Variants in SLC37A3 observed in about 807,000 individuals in gnomAD.
SLC37A3 encodes the protein solute carrier family 37 member 3, also known as sugar phosphate exchanger 3.
A neutral mutation model predicts 67.1 loss-of-function variants in SLC37A3; 51 were observed. The observed-to-expected ratio is 0.76, with a 90% confidence interval of 0.61 to 0.96. The LOEUF (loss-of-function observed/expected upper bound fraction) is 0.96. Ranked by LOEUF, SLC37A3 falls within the 40% of genes least tolerant of loss-of-function variation. The pLI, the probability that SLC37A3 is intolerant of heterozygous loss-of-function variation, is 0.00. For synonymous variants in SLC37A3, 214 were observed against 231.4 expected, an observed-to-expected ratio of 0.92 and a Z score of 0.68; for missense variants, 508 against 603.0, an observed-to-expected ratio of 0.84 and a Z score of 1.65.
At position 140,358,668 on chromosome 7, in the gene SLC37A3, C is replaced by T. The variant is rs142288310; in HGVS notation, c.493G>A (p.Val165Ile). 10 of 1,614,128 alleles carry T rather than the reference C, an allele frequency of 6.2e-6. No individual in the cohort carries two copies. The East Asian group carries it at 1.1e-4, about 18-fold the overall frequency. ...GCTTTCCCAAACCAGTTGCCCATAA[C>T]AGCAACCACACAGGGCCAACCAGTG... ...QSTGWPCVVA[V>I]MGNWFGKAGR... The change falls in exon 6 of 15, where the codon GTT becomes ATT. Residue 165 changes from valine to isoleucine, a missense_variant. Val to Ile is a conservative substitution (Grantham distance 29). Transcript: ENST00000326232.
At chr7:140,392,222 C>T (rs1798751231) in intron 1 of SLC37A3, among the ~76,000 whole-genome samples, 2 of 152,040 alleles carry the variant, frequency 1.3e-5, no homozygotes, top group Admixed American at 1.3e-4. Context: ...GTCCGTGTAA[C>T]CTCCACCAGC....
chr7:140,362,388 G>A (rs1471826680), intron 5 of SLC37A3, among the ~76,000 whole-genome samples: 1 of 138,744 alleles, frequency 7.2e-6, no homozygotes, highest in African/African-American at 2.7e-5. Flanking sequence ...GAGCGTCTCC[G>A]CCCGGCAGCC....
chr7:140,396,531 T>C (rs1798933101), intron 1 of SLC37A3, among the ~76,000 whole-genome samples: 1 of 152,220 alleles, frequency 6.6e-6, no homozygotes, highest in South Asian at 2.1e-4. Context: ...TCTTCCTCCC[T>C]GTTTTTGGAC....
rs1796673597 is a variant in SLC37A3 at position 140,348,660 on chromosome 7, C to T, written c.990G>A (p.Lys330=). 1 of 1,613,946 alleles carries T rather than the reference C, an allele frequency of 6.2e-7. No individual in the cohort carries two copies. Among genetic ancestry groups the T allele is most frequent in the African/African-American group, 1.3e-5 (1 of 74,914 alleles). ...NFGWKEAEAD[K]LSIWYDVGGI... ...CTCCAACGTCGTACCAAATGGACAG[C>T]TTGTCGGCTTCCGCCTCCTTCCAGC... The change falls in exon 10 of 15, where the codon AAG becomes AAA. Residue 330 remains lysine, a synonymous_variant. Coordinates refer to ENST00000326232, the MANE Select transcript of SLC37A3 (RefSeq NM_207113.3).
chr7:140,346,258 T>C (rs1468747618), intron 10 of SLC37A3, among the ~76,000 whole-genome samples: 2 of 152,102 alleles, frequency 1.3e-5, no homozygotes, highest in Non-Finnish European at 2.9e-5. Flanking sequence ...CGGGCACCTG[T>C]AGTCCCAGCT....
At chr7:140,387,435 G>A (rs560561431) in intron 1 of SLC37A3, among the ~76,000 whole-genome samples, 121 of 151,102 alleles carry the variant, frequency 8.0e-4, no homozygotes, top group Non-Finnish European at 1.5e-3. Context: ...CCAATGTGGC[G>A]AAACCCCATC....
chr7:140,363,740 CAAAAAAAAAAAAAAA>C (rs71170980), intron 5 of SLC37A3, among the ~76,000 whole-genome samples: 1 of 107,862 alleles, frequency 9.3e-6, no homozygotes, highest in African/African-American at 3.6e-5. Context: ...AACTCCGCCT[CAAAAAAAAAAAAAAA>C]AAAAAAAAAA....
Position 140,351,340 on chromosome 7 carries a change from T to G in SLC37A3, c.815A>C (p.Asp272Ala), listed in dbSNP as rs2117077626. ...EYEPNYSIQD[D>A]SSVAQVKAIS... ...CGCCTTGACTTGGGCAACAGAACTA[T>G]CATCTTGGATTGAATAATTCGGCTC... Residue 272 changes from aspartate (D) to alanine (A), a missense_variant, in exon 9 of 15, where the codon GAT becomes GCT. Transcript: ENST00000326232. 6.2e-7 allele frequency: 1 copy of G among 1,614,132 alleles called. No homozygotes were observed. The highest frequency in any genetic ancestry group is 1.1e-5 in the South Asian group (1 of 91,084).
chr7:140,387,686 T>TTATATATATTATATAAATATAAATATAC (rs1563053012), intron 1 of SLC37A3, among the ~76,000 whole-genome samples: 15 of 109,508 alleles, frequency 1.4e-4, no homozygotes, highest in African/African-American at 3.7e-5. Flanking sequence ...TATAAATATA[T>TTATATATATTATATAAATATAAATATAC]TATATATATT....
chr7:140,350,915 A>G (rs1280635369), intron 9 of SLC37A3, among the ~76,000 whole-genome samples: 1 of 152,224 alleles, frequency 6.6e-6, no homozygotes, highest in Non-Finnish European at 1.5e-5. Context: ...CTTTTTAATC[A>G]CATACCAGAT....
intron 5 of SLC37A3, among the ~76,000 whole-genome samples, chr7:140,361,990 A>C (rs1797328005): frequency 7.5e-6 from 1 of 132,544 alleles, no homozygotes; most frequent in African/African-American, 2.8e-5. Context: ...GGAAGTGAGG[A>C]GCGTCTCTGC....
intron 3 of SLC37A3, among the ~76,000 whole-genome samples, chr7:140,372,839 G>T (rs548586128): frequency 2.0e-5 from 3 of 151,782 alleles, no homozygotes; most frequent in Non-Finnish European, 4.4e-5. Context: ...CTCCAGCCTG[G>T]GTGACAGAGT....
chr7:140,373,873 A>G (rs1447883518), intron 3 of SLC37A3, among the ~76,000 whole-genome samples: 1 of 152,152 alleles, frequency 6.6e-6, no homozygotes, highest in Non-Finnish European at 1.5e-5. Flanking sequence ...ACTATCTCCT[A>G]TTAACAGACA....
At chr7:140,387,439 C>A (rs1798497327) in intron 1 of SLC37A3, among the ~76,000 whole-genome samples, 3 of 151,010 alleles carry the variant, frequency 2.0e-5, no homozygotes, top group Non-Finnish European at 4.4e-5. Flanking sequence ...TGTGGCGAAA[C>A]CCCATCTCTA....
chr7:140,356,527 C>A (rs1049874672), intron 6 of SLC37A3, among the ~76,000 whole-genome samples: 1 of 151,846 alleles, frequency 6.6e-6, no homozygotes, highest in African/African-American at 2.4e-5. Context: ...ACTAAAAATA[C>A]AAAAATTAGC....
intron 1 of SLC37A3, among the ~76,000 whole-genome samples, chr7:140,395,212 C>T (rs1283241217): frequency 6.7e-6 from 1 of 149,788 alleles, no homozygotes; most frequent in Non-Finnish European, 1.5e-5. Flanking sequence ...CCCGTCTCTA[C>T]TAAAAATATA....
intron 6 of SLC37A3, among the ~76,000 whole-genome samples, chr7:140,356,340 G>T (rs189359054): frequency 2.0e-5 from 3 of 152,176 alleles, no homozygotes; most frequent in Non-Finnish European, 2.9e-5. Context: ...GTGGGCAAAA[G>T]ATTTTAATAG....
Position 140,368,880 on chromosome 7 carries a change from C to A in SLC37A3, c.291+710G>T, listed in dbSNP as rs1797711091. ...CCAAAACACCGCTAAAATCTACTTC[C>A]CCCCAACCTCTATTACTGTTGCGCT... is the stretch of plus-strand genomic sequence containing the variant. On this transcript the variant is annotated intron_variant, in intron 4 of 14. Coordinates refer to ENST00000326232, the MANE Select transcript of SLC37A3 (RefSeq NM_207113.3). Among the ~76,000 whole-genome samples, 3 of 152,212 alleles carry A rather than the reference C, an allele frequency of 2.0e-5. No homozygotes were observed. The South Asian group carries it at 6.2e-4, about 32-fold the overall frequency.
In SLC37A3 at chr7:140,387,760, TATTA is replaced by T. The variant is rs1346995523; in HGVS notation, c.-70-5168_-70-5165del. Among the ~76,000 whole-genome samples the T allele has an allele frequency of 3.9e-3, 277 of 70,818 alleles. 4 individuals are homozygous for T. The highest frequency in any genetic ancestry group is 0.022 in the East Asian group (40 of 1,840). 46.5% of individuals were successfully genotyped at this position (70,818 alleles called of 152,430 possible). A position where few individuals can be genotyped will look rare whatever the true frequency, so the allele number is the denominator to read the frequency against. On this transcript the variant is annotated intron_variant, in intron 1 of 14. Coordinates refer to ENST00000326232, the MANE Select transcript of SLC37A3 (RefSeq NM_207113.3). ...ACTATATATTATATAAATATAAATATATTATATATATTATACATAAATATAAATA... is the reference window on the plus strand; with the variant it reads ...ACTATATATTATATAAATATAAATATTATATATTATACATAAATATAAATA...
Sources: allele counts gnomAD v4.1 joint callset (sites outside exome capture counted in the v4.1 genomes callset), GRCh38; gene constraint gnomAD v4.1.1; transcripts MANE v1.5; gene names NCBI Gene and HGNC (gene_info 2026-07-23, HGNC 2026-07-21).